JMJD1C: variants seen among roughly 807,000 people sequenced by gnomAD.
JMJD1C encodes jumonji domain containing 1C.
In JMJD1C, 31 loss-of-function variants were observed where a neutral mutation model predicts 245.3. The observed-to-expected ratio is 0.13, with a 90% confidence interval of 0.09 to 0.17. The LOEUF is 0.17. Among genes scored for constraint, JMJD1C ranks in the 10% least tolerant of loss-of-function variants. JMJD1C has a pLI of 1.00. For missense variants in JMJD1C, 2,691 were observed against 3,000.2 expected (o/e 0.90, Z 2.41); for synonymous variants, 1,057 against 1,017.4 (o/e 1.04, Z -0.74).
At chr10:63,355,981 T>C (rs1807766364) in intron 2 of JMJD1C, among the ~76,000 whole-genome samples, 1 of 152,208 alleles carries the variant, frequency 6.6e-6, no homozygotes. Context: ...TACTCATATG[T>C]TCTTCAAATA....
At chr10:63,488,703 ACT>A (rs1239253250) in intron 1 of JMJD1C, among the ~76,000 whole-genome samples, 4 of 152,210 alleles carry the variant, frequency 2.6e-5, no homozygotes, top group African/African-American at 4.8e-5. Flanking sequence ...GCTGAGATTA[ACT>A]CTATCTTTCC....
intron 14 of JMJD1C, among the ~76,000 whole-genome samples, chr10:63,193,955 T>A (rs939358177): frequency 2.0e-5 from 3 of 152,256 alleles, no homozygotes; most frequent in Non-Finnish European, 4.4e-5. Flanking sequence ...CGTGAGCCAC[T>A]GCGCCCAGCC....
chr10:63,496,035 TAAA>T (rs1016095824), intron 1 of JMJD1C, among the ~76,000 whole-genome samples: 1 of 113,056 alleles, frequency 8.8e-6, no homozygotes, highest in Admixed American at 9.3e-5. Flanking sequence ...GCAATTGCAC[TAAA>T]AAAAAAAAAA....
intron 2 of JMJD1C, among the ~76,000 whole-genome samples, chr10:63,318,633 C>G (rs1940415174): frequency 6.6e-6 from 1 of 151,920 alleles, no homozygotes; most frequent in African/African-American, 2.4e-5. Flanking sequence ...GTTCAACATT[C>G]CTGGGACATC....
At chr10:63,413,900 T>C (rs576106647) in intron 1 of JMJD1C, among the ~76,000 whole-genome samples, 1 of 151,866 alleles carries the variant, frequency 6.6e-6, no homozygotes, top group East Asian at 1.9e-4. Context: ...AAAAGAACCA[T>C]AGTGAAGAGT....
rs760010224 is a variant in JMJD1C at position 63,432,051 on chromosome 10, C to T, written c.168+33444G>A. Among the ~76,000 whole-genome samples the T allele has an allele frequency of 5.9e-4, 90 of 152,090 alleles. 1 individual carries two copies. Among genetic ancestry groups the T allele is most frequent in the Non-Finnish European group, 1.1e-3 (75 of 68,010 alleles). ...AGAAAACTCACTTTTGTAACTGTTG[C>T]GCCTTGAGTTCTTGTTGTTTCAAGA... On this transcript the variant is annotated intron_variant, in intron 1 of 25. Coordinates refer to ENST00000399262, the MANE Select transcript of JMJD1C (RefSeq NM_032776.3).
intron 1 of JMJD1C, among the ~76,000 whole-genome samples, chr10:63,504,411 C>T (rs1431735354): frequency 6.6e-6 from 1 of 152,124 alleles, no homozygotes; most frequent in African/African-American, 2.4e-5. Flanking sequence ...ACCACGGAAT[C>T]TGAATAGCAT....
chr10:63,177,396 T>G (rs1842958763), intron 23 of JMJD1C: 1 of 277,412 alleles, frequency 3.6e-6, no homozygotes, highest in Non-Finnish European at 6.8e-6. Context: ...AATATTTGTT[T>G]TTACATCCCG....
At chr10:63,204,302 A>T (rs1237522403) in intron 10 of JMJD1C, 1 of 985,282 alleles carries the variant, frequency 1.0e-6, no homozygotes, top group Non-Finnish European at 1.2e-6. Flanking sequence ...AGCAGGGGAG[A>T]TTTGACTAAA....
chr10:63,400,262 G>C (rs954333847), intron 1 of JMJD1C, among the ~76,000 whole-genome samples: 2 of 152,006 alleles, frequency 1.3e-5, no homozygotes, highest in African/African-American at 4.8e-5. Context: ...CTATCTTTAA[G>C]GCATACTCCT....
intron 22 of JMJD1C, among the ~76,000 whole-genome samples, chr10:63,178,727 C>T (rs1381518648): frequency 6.6e-6 from 1 of 152,138 alleles, no homozygotes; most frequent in Non-Finnish European, 1.5e-5. Flanking sequence ...AAAATCAAGC[C>T]ATCCTTCTAA....
At chr10:63,210,830 T>G (rs1424843610) in intron 8 of JMJD1C, among the ~76,000 whole-genome samples, 2 of 152,220 alleles carry the variant, frequency 1.3e-5, no homozygotes, top group Non-Finnish European at 2.9e-5. Context: ...TGATTAGTGA[T>G]TCTTCACTGA....
intron 3 of JMJD1C, among the ~76,000 whole-genome samples, chr10:63,246,099 A>C (rs1852168485): frequency 6.6e-6 from 1 of 152,230 alleles, no homozygotes; most frequent in African/African-American, 2.4e-5. Context: ...ACCTAAAAAG[A>C]CCAAATCTAA....
intron 1 of JMJD1C, among the ~76,000 whole-genome samples, chr10:63,390,185 C>T (rs1471953198): frequency 6.6e-6 from 1 of 151,696 alleles, no homozygotes; most frequent in East Asian, 1.9e-4. Flanking sequence ...AAATCAGAAA[C>T]GAAAAAAGAG....
rs181332028 is a variant in JMJD1C, at chr10:63,367,110, T to C, written c.333+13208A>G. Among the ~76,000 whole-genome samples, 566 of 152,272 alleles carry C rather than the reference T, an allele frequency of 3.7e-3. 3 individuals are homozygous for C. Among genetic ancestry groups the C allele is most frequent in the Non-Finnish European group, 6.3e-3 (431 of 68,016 alleles). The stretch of plus-strand genomic sequence containing the variant: ...AGTTATTGAGAAATGGGATAAAATA[T>C]TGAAGCCAAAACAAAGGTCACACTG... On this transcript the variant is annotated intron_variant, in intron 2 of 25. Coordinates refer to ENST00000399262, the MANE Select transcript of JMJD1C (RefSeq NM_032776.3).
At chr10:63,338,333 C>G (rs1589520495) in intron 2 of JMJD1C, among the ~76,000 whole-genome samples, 1 of 152,066 alleles carries the variant, frequency 6.6e-6, no homozygotes, top group East Asian at 1.9e-4. Context: ...GGAGTTTCAC[C>G]ATGTTGCCCA....
intron 2 of JMJD1C, among the ~76,000 whole-genome samples, chr10:63,348,567 C>A (rs1364314774): frequency 1.3e-5 from 2 of 152,072 alleles, no homozygotes. Context: ...ACCTTATCTG[C>A]AAAATGGAGA....
intron 2 of JMJD1C, among the ~76,000 whole-genome samples, chr10:63,341,772 C>G (rs1318543111): frequency 3.9e-5 from 6 of 152,172 alleles, no homozygotes; most frequent in African/African-American, 1.4e-4. Context: ...AGCCATGCGA[C>G]CAGGGTATCT....
intron 10 of JMJD1C, chr10:63,202,763 A>C (rs1846169736): frequency 1.0e-6 from 1 of 985,284 alleles, no homozygotes; most frequent in Non-Finnish European, 1.2e-6. Context: ...CATTGTGCAA[A>C]AGAGATTTTT....
Sources: gnomAD v4.1 joint callset for allele counts (sites outside exome capture counted in the v4.1 genomes callset) on GRCh38, gnomAD v4.1.1 for gene constraint, MANE v1.5 for transcripts, NCBI Gene and HGNC (gene_info 2026-07-23, HGNC 2026-07-21) for gene names.